Variants in EBF1 observed in about 807,000 individuals in gnomAD.
The protein encoded by EBF1 is transcription factor COE1.
In EBF1, 10 loss-of-function variants were observed where a neutral mutation model predicts 68.4. The observed-to-expected ratio is 0.15, with a 90% CI of 0.09 to 0.25. The LOEUF is 0.25. Among genes scored for constraint, EBF1 ranks in the 10% least tolerant of loss-of-function variants. EBF1 has a pLI of 1.00. For missense variants in EBF1, 509 were observed against 794.4 expected, an observed-to-expected ratio of 0.64 and a Z score of 4.32; for synonymous variants, 298 against 299.8, an observed-to-expected ratio of 0.99 and a Z score of 0.06.
At chr5:159,012,285 CAA>C (rs969702778) in intron 6 of EBF1, among the ~76,000 whole-genome samples, 2 of 113,674 alleles carry the variant, frequency 1.8e-5, no homozygotes, top group African/African-American at 3.3e-5. Context: ...GACTCTGTCT[CAA>C]AAAAAAAAAA....
chr5:158,765,974 A>G (rs1240696255), intron 10 of EBF1, among the ~76,000 whole-genome samples: 1 of 152,212 alleles, frequency 6.6e-6, no homozygotes. Context: ...CTCCAAAAAA[A>G]GTTATCTCAT....
At chr5:158,840,233 T>C in intron 6 of EBF1, 123 bp from the exon 7 acceptor site, 1 of 722,070 alleles carries the variant, frequency 1.4e-6, no homozygotes, top group South Asian at 1.7e-5. Flanking sequence ...ATATTCAGCA[T>C]GGTGTTAGAG....
At chr5:158,822,262 ATGGACGGATGGATGGATG>A (rs1785016133) in intron 8 of EBF1, among the ~76,000 whole-genome samples, 5 of 55,124 alleles carry the variant, frequency 9.1e-5, no homozygotes, top group Admixed American at 1.9e-4. Context: ...GGATGGACGG[ATGGACGGATGGATGGATG>A]GATGGATGGA....
At chr5:158,722,322 A>G (rs895570388) in intron 11 of EBF1, among the ~76,000 whole-genome samples, 2 of 152,230 alleles carry the variant, frequency 1.3e-5, no homozygotes, top group Non-Finnish European at 2.9e-5. Flanking sequence ...CTGGGCTTTT[A>G]GAAAACACAA....
chr5:158,919,574 G>T (rs534841953), intron 6 of EBF1, among the ~76,000 whole-genome samples: 1 of 152,014 alleles, frequency 6.6e-6, no homozygotes, highest in South Asian at 2.1e-4. Context: ...TTCCAACAAC[G>T]GTGCTCATTT....
intron 6 of EBF1, among the ~76,000 whole-genome samples, chr5:158,903,375 C>G (rs567812199): frequency 2.3e-3 from 343 of 152,128 alleles, no homozygotes; most frequent in Non-Finnish European, 3.8e-3. Flanking sequence ...GTGCCCTTAT[C>G]AGCCAACTTC....
intron 6 of EBF1, among the ~76,000 whole-genome samples, chr5:158,858,270 A>C (rs1405148485): frequency 6.6e-6 from 1 of 152,296 alleles, no homozygotes; most frequent in East Asian, 1.9e-4. Flanking sequence ...GAAATTTAGA[A>C]GCTGAGACAT....
intron 6 of EBF1, among the ~76,000 whole-genome samples, chr5:158,911,495 A>G (rs1056738651): frequency 1.3e-5 from 2 of 152,106 alleles, no homozygotes; most frequent in Non-Finnish European, 2.9e-5. Context: ...TTAATCATCT[A>G]TCATCCTCAG....
intron 6 of EBF1, among the ~76,000 whole-genome samples, chr5:158,876,004 A>T (rs1243157813): frequency 6.6e-6 from 1 of 152,124 alleles, no homozygotes; most frequent in African/African-American, 2.4e-5. Context: ...GAACTTTAGG[A>T]CTCTAGGATC....
chr5:158,802,242 C>A (rs544276321), intron 8 of EBF1, among the ~76,000 whole-genome samples: 1 of 152,184 alleles, frequency 6.6e-6, no homozygotes, highest in South Asian at 2.1e-4. Context: ...TATCTTATCC[C>A]CAAAATGAGG....
intron 6 of EBF1, among the ~76,000 whole-genome samples, chr5:159,006,713 T>C (rs1321952341): frequency 2.4e-5 from 3 of 122,658 alleles, no homozygotes; most frequent in Admixed American, 8.9e-5. Flanking sequence ...AATGATGAAA[T>C]TTAAACACAG....
At chr5:158,757,813 G>C (rs1036186694) in intron 10 of EBF1, among the ~76,000 whole-genome samples, 1 of 152,314 alleles carries the variant, frequency 6.6e-6, no homozygotes, top group Admixed American at 6.5e-5. Context: ...CTGTGTGGTA[G>C]AGTAAGTGCT....
chr5:158,822,439 G>T (rs1424101995), intron 8 of EBF1, among the ~76,000 whole-genome samples: 16 of 152,138 alleles, frequency 1.1e-4, no homozygotes, highest in Admixed American at 1.0e-3. Flanking sequence ...CCAACCCATG[G>T]TTCTTCTGAG....
In EBF1 at chr5:158,987,858, T is replaced by C. The variant is rs950381059; in HGVS notation, c.554+85538A>G. 3.3e-5 allele frequency among the ~76,000 whole-genome samples: 5 copies of C among 152,190 alleles called. No individual in the cohort carries two copies. The South Asian group carries it at 1.0e-3, about 32-fold the overall frequency. On this transcript the variant is annotated intron_variant, in intron 6 of 15. Coordinates refer to ENST00000313708, the MANE Select transcript of EBF1 (RefSeq NM_024007.5). The stretch of plus-strand genomic sequence containing the variant: ...AGCAATTGCAACCAAGGCTAGATAG[T>C]AAAATATGGAAACTTTCTGAAGGAG...
In EBF1 at chr5:159,037,755, A is replaced by G. The variant is rs974942063; in HGVS notation, c.554+35641T>C. On this transcript the variant is annotated intron_variant, in intron 6 of 15. Transcript: ENST00000313708. ...ACACCAGCATGGCACATGTATACAT[A>G]TGTAACTAACCTGCACAATGTGCAC... Among the ~76,000 whole-genome samples the G allele has an allele frequency of 2.0e-4, 30 of 151,354 alleles. 1 individual carries two copies. Among genetic ancestry groups the G allele is most frequent in the African/African-American group, 7.3e-4 (30 of 41,178 alleles).
chr5:158,813,253 G>T (rs573744489), intron 8 of EBF1, among the ~76,000 whole-genome samples: 3 of 152,076 alleles, frequency 2.0e-5, no homozygotes, highest in Admixed American at 6.5e-5. Flanking sequence ...TTTTGTTTAC[G>T]CATTAACATA....
At chr5:158,750,943 A>C (rs1768725668) in intron 10 of EBF1, among the ~76,000 whole-genome samples, 1 of 152,152 alleles carries the variant, frequency 6.6e-6, no homozygotes, top group Non-Finnish European at 1.5e-5. Flanking sequence ...ATGGATAAAT[A>C]AATATAGTAA....
intron 6 of EBF1, among the ~76,000 whole-genome samples, chr5:159,040,532 C>T (rs932801444): frequency 6.6e-5 from 10 of 152,148 alleles, no homozygotes; most frequent in African/African-American, 2.2e-4. Context: ...CCCTCAGTGC[C>T]CTTGGTGTTG....
At chr5:158,762,257 TAATTG>T (rs1162792025) in intron 10 of EBF1, among the ~76,000 whole-genome samples, 1 of 152,204 alleles carries the variant, frequency 6.6e-6, no homozygotes, top group African/African-American at 2.4e-5. Context: ...GGAACAACTT[TAATTG>T]AATACTTATA....
Sources: gnomAD v4.1 joint callset for allele counts (sites outside exome capture counted in the v4.1 genomes callset) on GRCh38, gnomAD v4.1.1 for gene constraint, MANE v1.5 for transcripts, NCBI Gene and HGNC (gene_info 2026-07-23, HGNC 2026-07-21) for gene names.